Variants in DNAH14 observed in about 807,000 individuals in gnomAD.
DNAH14 encodes dynein axonemal heavy chain 14, also known as axonemal beta dynein heavy chain 14.
Under a neutral mutation model 520.9 loss-of-function variants are expected in DNAH14, and 478 were observed. The observed-to-expected ratio is 0.92, with a 90% CI of 0.85 to 0.99. The LOEUF (loss-of-function observed/expected upper bound fraction) is 0.99. Ranked by LOEUF, DNAH14 falls within the 50% of genes least tolerant of loss-of-function variation. The pLI is 0.00. For synonymous variants in DNAH14, 1,581 were observed against 1,757.2 expected, an observed-to-expected ratio of 0.90 and a Z score of 2.51; for missense variants, 4,831 against 5,234.5, an observed-to-expected ratio of 0.92 and a Z score of 2.38.
chr1:224,930,207 T>C (rs1241865948), intron 1 of DNAH14, among the ~76,000 whole-genome samples: 1 of 152,250 alleles, frequency 6.6e-6, no homozygotes, highest in African/African-American at 2.4e-5. Flanking sequence ...CCATCACTTA[T>C]TGTATAATAT....
intron 69 of DNAH14, among the ~76,000 whole-genome samples, chr1:225,344,515 T>A (rs1328909381): frequency 6.6e-6 from 1 of 152,188 alleles, no homozygotes; most frequent in Non-Finnish European, 1.5e-5. Flanking sequence ...TTGCTAAGGA[T>A]AATGGCCTCC....
intron 55 of DNAH14, among the ~76,000 whole-genome samples, chr1:225,293,698 A>C (rs115981439): frequency 0.036 from 5,521 of 152,258 alleles, 303 homozygotes; most frequent in African/African-American, 0.12. Flanking sequence ...AGAATCAGGA[A>C]AAAAACTAAT....
chr1:225,064,346 C>T (rs1482940744), intron 17 of DNAH14, among the ~76,000 whole-genome samples: 3 of 152,008 alleles, frequency 2.0e-5, no homozygotes, highest in African/African-American at 7.2e-5. Context: ...GGTACAGTCA[C>T]TTTGGAAAAC....
At position 225,331,969 on chromosome 1, in the gene DNAH14, CT is replaced by C. The variant is rs11430430; in HGVS notation, c.9864+401del. ...TTAGTAAAGAAAAAGAAAATTCTCC[CT>C]TTTTTTTTAAGTGAAAGTAAGTTTA... On this transcript the variant is annotated intron_variant, in intron 65 of 85. Coordinates refer to ENST00000682510, the MANE Select transcript of DNAH14 (RefSeq NM_001367479.1). Among the ~76,000 whole-genome samples, 74 of 150,360 alleles carry C rather than the reference CT, an allele frequency of 4.9e-4. 1 individual carries two copies. Among genetic ancestry groups the C allele is most frequent in the Middle Eastern group, 3.4e-3 (1 of 294 alleles).
chr1:225,389,628 G>A (rs1413592047), intron 82 of DNAH14, 106 bp from the exon 83 acceptor site: 28 of 1,316,370 alleles, frequency 2.1e-5, no homozygotes, highest in Admixed American at 2.6e-5. Flanking sequence ...TGGGGGAATC[G>A]AAATGAAAAG....
chr1:225,029,458 A>G (rs907408434), intron 11 of DNAH14, among the ~76,000 whole-genome samples: 1 of 152,062 alleles, frequency 6.6e-6, no homozygotes, highest in African/African-American at 2.4e-5. Context: ...GACATTAAAA[A>G]TAAAGTATTA....
chr1:225,248,897 G>C (rs1408587370), intron 43 of DNAH14, among the ~76,000 whole-genome samples: 1 of 152,168 alleles, frequency 6.6e-6, no homozygotes, highest in East Asian at 1.9e-4. Context: ...CTATTAGAGT[G>C]GGGGCTTATA....
At chr1:224,981,686 G>A (rs2062279801) in intron 8 of DNAH14, among the ~76,000 whole-genome samples, 1 of 151,960 alleles carries the variant, frequency 6.6e-6, no homozygotes, top group South Asian at 2.1e-4. Flanking sequence ...TTCTTTTCTT[G>A]GTTAAACTTG....
chr1:225,175,832 G>T (rs59700867), intron 36 of DNAH14, among the ~76,000 whole-genome samples: 1 of 149,520 alleles, frequency 6.7e-6, no homozygotes, highest in Non-Finnish European at 1.5e-5. Context: ...TTATTTTCCT[G>T]CACAAGCTCT....
Position 225,337,325 on chromosome 1 carries a change from C to T in DNAH14, c.10140C>T (p.Ile3380=), listed in dbSNP as rs1003526895. The change falls in exon 67 of 86, where the codon ATC becomes ATT. Residue 3380 remains isoleucine, a synonymous_variant. Transcript: ENST00000682510. ...PHGQYSVENA[I]LIKNGQQWPL... is the part of the protein sequence containing the mutation. ...GTCAGTATTCAGTAGAGAATGCCAT[C>T]TTGATCAAGAATGGCCAGCAGTGGC... 9.0e-6 allele frequency: 14 copies of T among 1,551,702 alleles called. No homozygotes were observed. The Admixed American group carries it at 9.8e-5, about 11-fold the overall frequency.
Position 225,152,805 on chromosome 1 carries a change from TG to T in DNAH14, c.5120del (p.Gly1707ValfsTer12), listed in dbSNP as rs577893006. On this transcript the variant is annotated frameshift_variant, in exon 33 of 86. Transcript: ENST00000682510. LOFTEE classifies it high-confidence loss of function. ...TTGCTGAAATAATATTGTTTTCATT[TG>T]GTTTCAAATCTGCAAATTCACTCTC... is the stretch of plus-strand genomic sequence containing the variant. Reference protein sequence around the residue: ...MIAEIILFSFGFKSANSLSGK... With the variant: ...MIAEIILFSFXFKSANSLSGK... The T allele has an allele frequency of 5.3e-5, 82 of 1,551,494 alleles. No homozygotes were observed. In the East Asian group the frequency reaches 1.8e-3, roughly 34 times the overall value.
chr1:224,931,920 G>A (rs1159691351), intron 1 of DNAH14, among the ~76,000 whole-genome samples: 1 of 152,158 alleles, frequency 6.6e-6, no homozygotes, highest in Non-Finnish European at 1.5e-5. Context: ...AAATGTGTGA[G>A]TGCAGGTATT....
chr1:225,248,316 T>C (rs2092395401), intron 43 of DNAH14, among the ~76,000 whole-genome samples: 1 of 152,046 alleles, frequency 6.6e-6, no homozygotes, highest in African/African-American at 2.4e-5. Flanking sequence ...GTAATATAGA[T>C]CAATAGACTG....
chr1:224,948,690 C>T (rs1467672411), intron 1 of DNAH14, among the ~76,000 whole-genome samples: 1 of 151,944 alleles, frequency 6.6e-6, no homozygotes, highest in African/African-American at 2.4e-5. Flanking sequence ...ATTTCACCCC[C>T]ACTCCCAACT....
At chr1:225,207,834 A>C (rs2087791787) in intron 41 of DNAH14, among the ~76,000 whole-genome samples, 1 of 152,208 alleles carries the variant, frequency 6.6e-6, no homozygotes, top group Non-Finnish European at 1.5e-5. Flanking sequence ...GATCCCAACA[A>C]GAGGAAGCAG....
rs542634947 is a variant in DNAH14 at position 224,975,971 on chromosome 1, A to C, written c.830+1818A>C. Among the ~76,000 whole-genome samples the C allele has an allele frequency of 4.1e-4, 62 of 150,604 alleles. 1 individual carries two copies. In the East Asian group the frequency reaches 0.012, roughly 28 times the overall value. ...AAAGAACATCTTTATTTCTACCTTC[A>C]TTTCGTTATGTACCCAGTAGTCATT... On this transcript the variant is annotated intron_variant, in intron 8 of 85. Transcript: ENST00000682510.
rs188110522 is a variant in DNAH14, at chr1:224,972,803, A to G, written c.768-1288A>G. ...ATATCTTTATAGTTTTTCTTAGATC[A>G]CTATATTATAAAAGGTAATATTTCA... On this transcript the variant is annotated intron_variant, in intron 7 of 85. Transcript: ENST00000682510. Among the ~76,000 whole-genome samples the G allele has an allele frequency of 2.6e-3, 395 of 152,256 alleles. 1 individual carries two copies. Among genetic ancestry groups the G allele is most frequent in the Non-Finnish European group, 1.6e-3 (112 of 68,022 alleles).
intron 3 of DNAH14, among the ~76,000 whole-genome samples, chr1:224,956,255 G>A (rs1420793665): frequency 6.6e-6 from 1 of 151,886 alleles, no homozygotes; most frequent in Non-Finnish European, 1.5e-5. Flanking sequence ...AGTGTTTCCT[G>A]TTCTCTCTGG....
chr1:225,374,915 C>G, intron 78 of DNAH14, 30 bp downstream of exon 78: 1 of 1,492,010 alleles, frequency 6.7e-7, no homozygotes, highest in Non-Finnish European at 9.0e-7. Context: ...TCTTGCATTT[C>G]TCGATAATTT....
Sources: allele counts gnomAD v4.1 joint callset (sites outside exome capture counted in the v4.1 genomes callset), GRCh38; gene constraint gnomAD v4.1.1; transcripts MANE v1.5; gene names NCBI Gene and HGNC (gene_info 2026-07-23, HGNC 2026-07-21).